HHAT: variants seen among roughly 807,000 people sequenced by gnomAD.
HHAT encodes the protein protein-cysteine N-palmitoyltransferase HHAT.
Under a neutral mutation model 70.8 loss-of-function variants are expected in HHAT, and 47 were observed. The observed-to-expected ratio is 0.66, with a 90% CI of 0.53 to 0.85. HHAT has a LOEUF of 0.85. Among genes scored for constraint, HHAT ranks in the 40% least tolerant of loss-of-function variants. The pLI, the probability that HHAT is intolerant of heterozygous loss-of-function variation, is 0.00. For missense variants in HHAT, 609 were observed against 604.8 expected (o/e 1.01, Z -0.07); for synonymous variants, 228 against 247.6 (o/e 0.92, Z 0.74).
chr1:210,395,241 T>C (rs2091718453), intron 4 of HHAT, among the ~76,000 whole-genome samples: 1 of 152,142 alleles, frequency 6.6e-6, no homozygotes, highest in Admixed American at 6.5e-5. Context: ...AGAGGTAAAC[T>C]CTAAGGAGGG....
At chr1:210,486,604 G>A (rs1260873325) in intron 8 of HHAT, among the ~76,000 whole-genome samples, 1 of 152,158 alleles carries the variant, frequency 6.6e-6, no homozygotes, top group Non-Finnish European at 1.5e-5. Context: ...TGTGGGGGAA[G>A]CACAGTGTTT....
At chr1:210,410,115 C>T (rs949012416) in intron 6 of HHAT, among the ~76,000 whole-genome samples, 11 of 151,630 alleles carry the variant, frequency 7.3e-5, no homozygotes, top group Admixed American at 6.6e-4. Context: ...TGCAGTGCTG[C>T]GATCTTGGCT....
intron 11 of HHAT, among the ~76,000 whole-genome samples, chr1:210,667,251 G>A (rs1027760789): frequency 6.6e-6 from 1 of 152,012 alleles, no homozygotes; most frequent in Non-Finnish European, 1.5e-5. Context: ...GCATGGTGGT[G>A]CATGCCTGTA....
intron 9 of HHAT, among the ~76,000 whole-genome samples, chr1:210,534,176 C>A (rs1157291144): frequency 6.6e-6 from 1 of 152,188 alleles, no homozygotes; most frequent in African/African-American, 2.4e-5. Flanking sequence ...GCTGAGCAGG[C>A]ACCTATGGTC....
intron 11 of HHAT, among the ~76,000 whole-genome samples, chr1:210,635,655 A>G (rs1451916372): frequency 2.0e-5 from 3 of 152,156 alleles, no homozygotes; most frequent in Admixed American, 6.5e-5. Context: ...TTGTACAATA[A>G]TGGTTTTGGT....
chr1:210,339,667 C>T (rs886087220), intron 1 of HHAT, among the ~76,000 whole-genome samples: 1 of 152,116 alleles, frequency 6.6e-6, no homozygotes, highest in Non-Finnish European at 1.5e-5. Context: ...TGCATGAGGT[C>T]ATCATGGCCC....
chr1:210,587,946 A>T lies in HHAT; in HGVS notation c.1092A>T (p.Thr364=). 1 of 1,614,144 alleles carries T rather than the reference A, an allele frequency of 6.2e-7. No homozygotes were observed. The highest frequency in any genetic ancestry group is 8.5e-7 in the Non-Finnish European group (1 of 1,180,012). The change falls in exon 10 of 12, where the codon ACA becomes ACT. Residue 364 remains threonine (T), a synonymous_variant. Coordinates refer to ENST00000261458, the MANE Select transcript of HHAT (RefSeq NM_018194.6). ...GGTCCCAGCATGGCCTGCTGGGGACACTGTTTTCCACGGCGATGACATTTG... is the reference window on the plus strand; with the variant it reads ...GGTCCCAGCATGGCCTGCTGGGGACTCTGTTTTCCACGGCGATGACATTTG... ...VGGSQHGLLG[T]LFSTAMTFAF...
chr1:210,601,352 C>T (rs1380791776), intron 10 of HHAT, among the ~76,000 whole-genome samples: 1 of 152,064 alleles, frequency 6.6e-6, no homozygotes, highest in Non-Finnish European at 1.5e-5. Context: ...GTCAGTAGTC[C>T]AAGCCCCAAC....
Position 210,623,522 on chromosome 1 carries a change from G to T in HHAT, c.1246-4G>T. On this transcript the variant is annotated splice_region_variant and splice_polypyrimidine_tract_variant and intron_variant, in intron 10 of 11. Coordinates refer to ENST00000261458, the MANE Select transcript of HHAT (RefSeq NM_018194.6). ...GAGATGCTTTCTTGCCATTTTTCCC[G>T]TAGGCCCGATACTTCTCCCCACAAG... 3 of 1,613,504 alleles carry T rather than the reference G, an allele frequency of 1.9e-6. No individual in the cohort carries two copies. Among genetic ancestry groups the T allele is most frequent in the Non-Finnish European group, 2.5e-6 (3 of 1,179,830 alleles).
At chr1:210,581,080 T>C (rs1435249699) in intron 9 of HHAT, among the ~76,000 whole-genome samples, 7 of 152,214 alleles carry the variant, frequency 4.6e-5, no homozygotes, top group Non-Finnish European at 1.5e-5. Context: ...TGCTGAGTGA[T>C]GTTGAGCTTT....
intron 7 of HHAT, among the ~76,000 whole-genome samples, chr1:210,435,271 C>T (rs1216154976): frequency 6.6e-6 from 1 of 151,884 alleles, no homozygotes; most frequent in Non-Finnish European, 1.5e-5. Flanking sequence ...TAATGACCTC[C>T]AATTCCATTC....
chr1:210,374,839 A>G (rs2090052430), intron 3 of HHAT, among the ~76,000 whole-genome samples: 1 of 147,938 alleles, frequency 6.8e-6, no homozygotes, highest in African/African-American at 2.5e-5. Flanking sequence ...TTACCTGGGT[A>G]TATTGTGTGA....
chr1:210,667,398 AT>A (rs1679142846), intron 11 of HHAT, among the ~76,000 whole-genome samples: 1 of 151,984 alleles, frequency 6.6e-6, no homozygotes, highest in South Asian at 2.1e-4. Context: ...AAATAAATAA[AT>A]AAATAAATAA....
intron 9 of HHAT, among the ~76,000 whole-genome samples, chr1:210,585,810 C>G (rs1331877641): frequency 6.6e-6 from 1 of 152,116 alleles, no homozygotes; most frequent in Non-Finnish European, 1.5e-5. Flanking sequence ...TAAGAGGAAA[C>G]ATTGGGAAAT....
At chr1:210,334,353 G>A (rs1014090662) in intron 1 of HHAT, among the ~76,000 whole-genome samples, 2 of 151,354 alleles carry the variant, frequency 1.3e-5, no homozygotes, top group Non-Finnish European at 2.9e-5. Context: ...AAGGGATTTC[G>A]CCATGTCGCC....
chr1:210,348,729 A>ATGTG (rs1224033253), intron 1 of HHAT, among the ~76,000 whole-genome samples: 1 of 72,264 alleles, frequency 1.4e-5, no homozygotes, highest in South Asian at 4.9e-4. Flanking sequence ...TGTGTGGTGT[A>ATGTG]TGTGTGCGTG....
chr1:210,426,796 A>G (rs2093076102), intron 7 of HHAT, among the ~76,000 whole-genome samples: 2 of 151,930 alleles, frequency 1.3e-5, no homozygotes, highest in African/African-American at 4.8e-5. Context: ...ATTGGCCTGA[A>G]GTTTTCTTTT....
intron 1 of HHAT, among the ~76,000 whole-genome samples, chr1:210,337,525 C>T (rs775806820): frequency 7.2e-5 from 11 of 152,106 alleles, no homozygotes; most frequent in African/African-American, 2.4e-4. Context: ...TTTTTGTTGT[C>T]GTTGCCTTTT....
At chr1:210,568,199 T>C (rs1655238111) in intron 9 of HHAT, among the ~76,000 whole-genome samples, 2 of 152,264 alleles carry the variant, frequency 1.3e-5, no homozygotes, top group African/African-American at 4.8e-5. Context: ...GACAGAGTAA[T>C]GATGAACTTC....
Sources: gnomAD v4.1 joint callset for allele counts (sites outside exome capture counted in the v4.1 genomes callset) on GRCh38, gnomAD v4.1.1 for gene constraint, MANE v1.5 for transcripts, NCBI Gene and HGNC (gene_info 2026-07-23, HGNC 2026-07-21) for gene names.